Variants in SCMH1 observed in about 807,000 individuals in gnomAD.
The protein encoded by SCMH1 is polycomb protein SCMH1.
SCMH1 carries 37 observed loss-of-function variants against 70.8 expected under a neutral mutation model. That is an observed-to-expected ratio of 0.52 (90% CI 0.40 to 0.69). The LOEUF (loss-of-function observed/expected upper bound fraction) is 0.69. Among genes scored for constraint, SCMH1 ranks in the 30% least tolerant of loss-of-function variants. The probability of loss-of-function intolerance (pLI) is 0.00; values close to 1 mark genes in which losing one functional copy is unlikely to be tolerated. For missense variants in SCMH1, 607 were observed against 827.3 expected, an observed-to-expected ratio of 0.73 and a Z score of 3.27; for synonymous variants, 292 against 307.4, an observed-to-expected ratio of 0.95 and a Z score of 0.52.
At chr1:41,126,178 C>A (rs564459809) in intron 6 of SCMH1, among the ~76,000 whole-genome samples, 1 of 152,212 alleles carries the variant, frequency 6.6e-6, no homozygotes, top group East Asian at 1.9e-4. Flanking sequence ...ATAACCATGC[C>A]AAAACCACAA....
chr1:41,055,237 T>C (rs756348593), intron 10 of SCMH1, among the ~76,000 whole-genome samples: 41 of 152,160 alleles, frequency 2.7e-4, no homozygotes, highest in Non-Finnish European at 5.1e-4. Context: ...TCAGTTTTCT[T>C]ATGGAAAACA....
intron 6 of SCMH1, among the ~76,000 whole-genome samples, chr1:41,124,700 T>G (rs538781480): frequency 9.1e-4 from 139 of 152,148 alleles, no homozygotes; most frequent in Admixed American, 2.6e-3. Flanking sequence ...CTTCAACTCC[T>G]GGGCTCAGGT....
intron 1 of SCMH1, among the ~76,000 whole-genome samples, chr1:41,237,521 T>G (rs1326842297): frequency 6.6e-6 from 1 of 152,190 alleles, no homozygotes; most frequent in Non-Finnish European, 1.5e-5. Flanking sequence ...CTCCCTAATG[T>G]ATCCAGAATC....
chr1:41,046,065 C>G (rs1309291071), intron 12 of SCMH1, among the ~76,000 whole-genome samples: 1 of 152,018 alleles, frequency 6.6e-6, no homozygotes, highest in East Asian at 1.9e-4. Context: ...GTGTGTTAGG[C>G]CTTTGCTGCC....
intron 1 of SCMH1, among the ~76,000 whole-genome samples, chr1:41,211,060 G>A (rs1573098500): frequency 2.0e-5 from 3 of 152,032 alleles, no homozygotes; most frequent in East Asian, 1.9e-4. Context: ...CACCTGCCTC[G>A]GCCTCCCAAA....
intron 2 of SCMH1, among the ~76,000 whole-genome samples, chr1:41,173,232 A>T (rs1367985193): frequency 1.3e-5 from 2 of 152,102 alleles, no homozygotes; most frequent in African/African-American, 4.8e-5. Context: ...AGGGAGCTCA[A>T]ACAACAGCAA....
At chr1:41,198,884 T>A (rs935489666) in intron 1 of SCMH1, among the ~76,000 whole-genome samples, 9 of 152,208 alleles carry the variant, frequency 5.9e-5, no homozygotes, top group Non-Finnish European at 1.3e-4. Flanking sequence ...TGGTATATAC[T>A]CCTAGATGAC....
chr1:41,200,801 G>A (rs903099356), intron 1 of SCMH1, among the ~76,000 whole-genome samples: 1 of 152,146 alleles, frequency 6.6e-6, no homozygotes, highest in African/African-American at 2.4e-5. Context: ...CTGGAGTGAA[G>A]ATTTGAATGC....
intron 8 of SCMH1, among the ~76,000 whole-genome samples, chr1:41,106,758 C>G (rs1234288775): frequency 6.6e-6 from 1 of 151,740 alleles, no homozygotes; most frequent in East Asian, 1.9e-4. Flanking sequence ...GGCGCAATCT[C>G]AGCTCACTGC....
chr1:41,219,004 C>G (rs1658675423), intron 1 of SCMH1, among the ~76,000 whole-genome samples: 1 of 152,086 alleles, frequency 6.6e-6, no homozygotes, highest in African/African-American at 2.4e-5. Context: ...GAAGAACAAA[C>G]CATATGATTA....
intron 13 of SCMH1, among the ~76,000 whole-genome samples, chr1:41,035,600 TGCCTCCTTTTG>T (rs1645184153): frequency 6.6e-6 from 1 of 152,208 alleles, no homozygotes; most frequent in South Asian, 2.1e-4. Flanking sequence ...AGAGAAAGTG[TGCCTCCTTTTG>T]GCTTAAGACT....
chr1:41,034,571 C>G (rs545936826), intron 13 of SCMH1, among the ~76,000 whole-genome samples: 4 of 152,120 alleles, frequency 2.6e-5, no homozygotes, highest in Admixed American at 6.5e-5. Context: ...TCGTGATCCA[C>G]CCTCCTCGGC....
chr1:41,168,837 G>T (rs77879291), intron 2 of SCMH1, among the ~76,000 whole-genome samples: 4,976 of 151,750 alleles, frequency 0.033, 107 homozygotes, highest in Non-Finnish European at 0.049. Context: ...TTTTTTGATG[G>T]TCCCCTCGAG....
At chr1:41,121,994 C>T (rs1057421674) in intron 6 of SCMH1, among the ~76,000 whole-genome samples, 1 of 152,112 alleles carries the variant, frequency 6.6e-6, no homozygotes, top group African/African-American at 2.4e-5. Context: ...ATCTCTACTG[C>T]TATATTACCC....
At chr1:41,177,260 T>TA (rs1172165106) in intron 2 of SCMH1, among the ~76,000 whole-genome samples, 2 of 151,568 alleles carry the variant, frequency 1.3e-5, no homozygotes, top group Non-Finnish European at 2.9e-5. Flanking sequence ...CATCAAAGAC[T>TA]AAAGGTAGAT....
rs373229472 is a variant in SCMH1 at position 41,089,787 on chromosome 1, CTTTTT to C, written c.746-14341_746-14337del. Among the ~76,000 whole-genome samples, 201 of 58,752 alleles carry C rather than the reference CTTTTT, an allele frequency of 3.4e-3. 6 individuals are homozygous for C. The Middle Eastern group carries it at 0.077, about 22-fold the overall frequency. 38.5% of individuals were successfully genotyped at this position (58,752 alleles called of 152,430 possible). ...TTATTCCACTCTAACCATGTTGTCT[CTTTTT>C]TTTTTTTTTTTTTTTTTGAGACAGA... On this transcript the variant is annotated intron_variant, in intron 8 of 14. Coordinates refer to ENST00000337495, the Ensembl canonical transcript of SCMH1.
chr1:41,108,733 T>C (rs1378823953), intron 8 of SCMH1, among the ~76,000 whole-genome samples: 1 of 152,154 alleles, frequency 6.6e-6, no homozygotes, highest in East Asian at 1.9e-4. Context: ...AGATAGGTGA[T>C]AGGTGAGCTG....
At chr1:41,060,434 T>G (rs952581735) in intron 10 of SCMH1, among the ~76,000 whole-genome samples, 5 of 150,574 alleles carry the variant, frequency 3.3e-5, no homozygotes, top group Non-Finnish European at 7.4e-5. Flanking sequence ...TTCTGTACCC[T>G]GCAAAACTGT....
intron 9 of SCMH1, among the ~76,000 whole-genome samples, chr1:41,074,951 C>T (rs1558654118): frequency 6.6e-6 from 1 of 152,250 alleles, no homozygotes; most frequent in Non-Finnish European, 1.5e-5. Flanking sequence ...CAAGCTCCAC[C>T]TCCCGGGTTC....
Sources: allele counts gnomAD v4.1 joint callset (sites outside exome capture counted in the v4.1 genomes callset), GRCh38; gene constraint gnomAD v4.1.1; transcripts MANE v1.5; gene names NCBI Gene and HGNC (gene_info 2026-07-23, HGNC 2026-07-21).